The following GUCY1A2 variants were observed in gnomAD, a reference collection of about 807,000 sequenced individuals.
GUCY1A2 encodes guanylate cyclase soluble subunit alpha-2.
A neutral mutation model predicts 63.5 loss-of-function variants in GUCY1A2; 27 were observed. The ratio of observed to expected loss-of-function variants is 0.43; its 90% CI spans 0.31 to 0.59. The LOEUF is 0.59. Ranked by LOEUF, GUCY1A2 falls within the 20% of genes least tolerant of loss-of-function variation. The pLI is 0.11. For missense variants in GUCY1A2, 768 were observed against 913.3 expected, an observed-to-expected ratio of 0.84 and a Z score of 2.05; for synonymous variants, 364 against 343.5, an observed-to-expected ratio of 1.06 and a Z score of -0.66.
intron 5 of GUCY1A2, among the ~76,000 whole-genome samples, chr11:106,781,813 G>C (rs957818459): frequency 6.6e-6 from 1 of 151,414 alleles, no homozygotes; most frequent in Non-Finnish European, 1.5e-5. Flanking sequence ...AGAGATTTGT[G>C]CACCTCAGCC....
chr11:106,920,752 T>C (rs1860433606), intron 4 of GUCY1A2, among the ~76,000 whole-genome samples: 1 of 152,170 alleles, frequency 6.6e-6, no homozygotes, highest in Non-Finnish European at 1.5e-5. Flanking sequence ...AATTAAGTTG[T>C]TGGTTTCTTT....
intron 4 of GUCY1A2, among the ~76,000 whole-genome samples, chr11:106,879,578 T>C (rs759038397): frequency 6.6e-6 from 1 of 152,092 alleles, no homozygotes; most frequent in African/African-American, 2.4e-5. Flanking sequence ...CTTTCTTGTA[T>C]CACTTTCTGG....
intron 1 of GUCY1A2, among the ~76,000 whole-genome samples, chr11:106,994,680 G>C (rs1160867780): frequency 6.6e-6 from 1 of 152,190 alleles, no homozygotes; most frequent in African/African-American, 2.4e-5. Flanking sequence ...CTCAGCTACA[G>C]AACTGGAAAG....
chr11:106,917,551 C>T (rs898370288), intron 4 of GUCY1A2, among the ~76,000 whole-genome samples: 1 of 144,384 alleles, frequency 6.9e-6, no homozygotes, highest in Non-Finnish European at 1.6e-5. Context: ...CCCAAATGCC[C>T]AACAATGATA....
intron 3 of GUCY1A2, among the ~76,000 whole-genome samples, chr11:106,951,896 C>T (rs1018238119): frequency 6.6e-6 from 1 of 152,146 alleles, no homozygotes; most frequent in Non-Finnish European, 1.5e-5. Flanking sequence ...TTCAATCCAT[C>T]TTGAGTTAAT....
At chr11:106,705,286 T>C (rs552093658) in intron 7 of GUCY1A2, among the ~76,000 whole-genome samples, 10 of 152,260 alleles carry the variant, frequency 6.6e-5, no homozygotes, top group African/African-American at 2.2e-4. Flanking sequence ...AGTAAGGGAC[T>C]TTTGTTAATA....
At chr11:106,793,413 G>A (rs1251889499) in intron 5 of GUCY1A2, among the ~76,000 whole-genome samples, 1 of 152,036 alleles carries the variant, frequency 6.6e-6, no homozygotes, top group East Asian at 1.9e-4. Context: ...AAAAACATAA[G>A]GACAAAGCTC....
chr11:106,696,038 T>G (rs529784840), intron 7 of GUCY1A2, among the ~76,000 whole-genome samples: 22 of 152,254 alleles, frequency 1.4e-4, no homozygotes, highest in African/African-American at 5.3e-4. Context: ...GATGGCAAAG[T>G]GTGCTTAAGT....
At chr11:106,738,453 T>C (rs537818160) in intron 6 of GUCY1A2, among the ~76,000 whole-genome samples, 1 of 152,332 alleles carries the variant, frequency 6.6e-6, no homozygotes, top group African/African-American at 2.4e-5. Context: ...GTTTTAGTCA[T>C]GAAGTCTTTG....
At chr11:106,971,091 G>C (rs185579109) in intron 3 of GUCY1A2, among the ~76,000 whole-genome samples, 2 of 152,116 alleles carry the variant, frequency 1.3e-5, no homozygotes, top group Non-Finnish European at 2.9e-5. Flanking sequence ...AGTGAAACAC[G>C]GGATTTTTTT....
At chr11:106,805,355 C>G (rs1858668755) in intron 5 of GUCY1A2, among the ~76,000 whole-genome samples, 1 of 151,958 alleles carries the variant, frequency 6.6e-6, no homozygotes, top group Admixed American at 6.6e-5. Context: ...AAGCAATTCT[C>G]CTGCCTCAGC....
intron 4 of GUCY1A2, among the ~76,000 whole-genome samples, chr11:106,914,277 C>T (rs1860338659): frequency 6.6e-6 from 1 of 152,064 alleles, no homozygotes; most frequent in South Asian, 2.1e-4. Flanking sequence ...CCTTCATTTA[C>T]TCCCACCAAA....
chr11:106,809,877 C>A, intron 5 of GUCY1A2, 116 bp downstream of exon 5: 2 of 661,636 alleles, frequency 3.0e-6, no homozygotes, highest in Non-Finnish European at 5.1e-6. Context: ...TATAAAATTT[C>A]TAAATTAAAG....
intron 7 of GUCY1A2, among the ~76,000 whole-genome samples, chr11:106,694,100 T>C (rs370567769): frequency 1.1e-4 from 16 of 152,338 alleles, no homozygotes; most frequent in East Asian, 5.8e-4. Context: ...AATATCAATA[T>C]ATTTACTGTT....
intron 1 of GUCY1A2, among the ~76,000 whole-genome samples, chr11:107,013,115 T>C (rs540214903): frequency 1.3e-5 from 2 of 152,208 alleles, no homozygotes; most frequent in African/African-American, 4.8e-5. Flanking sequence ...CTTCATTTTT[T>C]CCTCTTCACT....
intron 4 of GUCY1A2, among the ~76,000 whole-genome samples, chr11:106,933,683 G>T (rs1037849226): frequency 6.6e-6 from 1 of 152,124 alleles, no homozygotes; most frequent in Non-Finnish European, 1.5e-5. Context: ...GCGAAGACAG[G>T]GAATCAACCC....
At chr11:106,768,907 C>A (rs1052362946) in intron 6 of GUCY1A2, among the ~76,000 whole-genome samples, 1 of 152,050 alleles carries the variant, frequency 6.6e-6, no homozygotes, top group Non-Finnish European at 1.5e-5. Context: ...AAGCCCTCCC[C>A]ACTTTGAGAT....
intron 4 of GUCY1A2, among the ~76,000 whole-genome samples, chr11:106,860,659 T>G (rs1160709825): frequency 2.6e-5 from 4 of 152,018 alleles, no homozygotes; most frequent in African/African-American, 9.7e-5. Context: ...CCAGATTTTG[T>G]GGTCTATATT....
At chr11:106,946,864 T>C (rs1326432763) in intron 3 of GUCY1A2, among the ~76,000 whole-genome samples, 3 of 152,152 alleles carry the variant, frequency 2.0e-5, no homozygotes, top group Admixed American at 6.5e-5. Context: ...TTGCATGGTA[T>C]GTAAATCATA....
Sources: allele counts gnomAD v4.1 joint callset (sites outside exome capture counted in the v4.1 genomes callset), GRCh38; gene constraint gnomAD v4.1.1; transcripts MANE v1.5; gene names NCBI Gene and HGNC (gene_info 2026-07-23, HGNC 2026-07-21).